The following PRKACB variants were observed in gnomAD, a reference collection of about 807,000 sequenced individuals.
PRKACB encodes protein kinase cAMP-activated catalytic subunit beta.
A neutral mutation model predicts 51.4 loss-of-function variants in PRKACB; 16 were observed. The ratio of observed to expected loss-of-function variants is 0.31; its 90% CI spans 0.21 to 0.47. The LOEUF (loss-of-function observed/expected upper bound fraction) is 0.47, where lower values mean the gene tolerates loss of function less well. PRKACB is among the 20% of genes least tolerant of loss of function. The pLI, the probability that PRKACB is intolerant of heterozygous loss-of-function variation, is 1.00. For missense variants in PRKACB, 309 were observed against 464.5 expected (o/e 0.67, Z 3.08); for synonymous variants, 147 against 154.4 (o/e 0.95, Z 0.35).
intron 1 of PRKACB, among the ~76,000 whole-genome samples, chr1:84,089,366 C>A (rs914743601): frequency 3.9e-5 from 6 of 152,074 alleles, no homozygotes; most frequent in African/African-American, 1.4e-4. Context: ...ATTTACATAT[C>A]AAAATTATAT....
At chr1:84,183,153 G>A (rs944167171) in intron 3 of PRKACB, among the ~76,000 whole-genome samples, 8 of 151,726 alleles carry the variant, frequency 5.3e-5, no homozygotes, top group African/African-American at 1.9e-4. Flanking sequence ...TCCTCACATT[G>A]ACCATTAGAC....
In PRKACB at chr1:84,144,301, A is replaced by C. The variant is rs566166385; in HGVS notation, c.-61A>C. The C allele has an allele frequency of 1.9e-6, 3 of 1,581,596 alleles. No homozygotes were observed. The African/African-American group carries it at 4.1e-5, about 22-fold the overall frequency. ...CATAGCTCTTAGCTTCTGTGTAAGA[A>C]GTTGTGAGCTCCTTCTGGAAACATT... On this transcript the variant is annotated 5_prime_UTR_variant, in exon 1 of 10. Transcript: ENST00000370685.
At chr1:84,228,330 G>T (rs989486034) in intron 9 of PRKACB, among the ~76,000 whole-genome samples, 1 of 152,164 alleles carries the variant, frequency 6.6e-6, no homozygotes, top group South Asian at 2.1e-4. Context: ...GCCAGAAGTG[G>T]AGAATCATGA....
intron 8 of PRKACB, among the ~76,000 whole-genome samples, chr1:84,206,643 T>C (rs376501873): frequency 4.6e-5 from 7 of 152,270 alleles, no homozygotes; most frequent in East Asian, 1.9e-4. Flanking sequence ...AAAGTTTTCA[T>C]TGGGGGTTGG....
At chr1:84,121,673 T>G (rs939252439) in intron 1 of PRKACB, among the ~76,000 whole-genome samples, 1 of 152,124 alleles carries the variant, frequency 6.6e-6, no homozygotes, top group Non-Finnish European at 1.5e-5. Flanking sequence ...TGTGTCCTTG[T>G]GAACACAATG....
At chr1:84,219,005 T>A (rs1306525580) in intron 9 of PRKACB, among the ~76,000 whole-genome samples, 10 of 152,204 alleles carry the variant, frequency 6.6e-5, no homozygotes, top group African/African-American at 2.4e-4. Flanking sequence ...GGCTACTGAA[T>A]TATTGGAGTT....
intron 1 of PRKACB, among the ~76,000 whole-genome samples, chr1:84,117,383 T>C (rs1269582125): frequency 6.6e-6 from 1 of 152,160 alleles, no homozygotes; most frequent in Non-Finnish European, 1.5e-5. Flanking sequence ...TTGGTATTAG[T>C]TATCCTTAGT....
At chr1:84,089,498 A>G (rs1490352041) in intron 1 of PRKACB, among the ~76,000 whole-genome samples, 1 of 152,124 alleles carries the variant, frequency 6.6e-6, no homozygotes, top group Non-Finnish European at 1.5e-5. Flanking sequence ...GTATCATTCA[A>G]CTGTGCCACT....
chr1:84,214,166 C>A lies in PRKACB; in HGVS notation c.920C>A (p.Ser307Tyr). 1 of 1,610,364 alleles carries A rather than the reference C, an allele frequency of 6.2e-7. No individual in the cohort carries two copies. The change falls in exon 9 of 10, where the codon TCC (serine) becomes TAC (tyrosine). Residue 307 changes from serine to tyrosine, a missense_variant. Ser to Tyr is a moderately radical substitution (Grantham distance 144). This residue lies in a region of PRKACB where 96 missense variants were observed against 129.9 expected (regional missense o/e 0.74). Coordinates refer to ENST00000370685, the MANE Select transcript of PRKACB (RefSeq NM_182948.4). ...KIVSGKVRFP[S>Y]HFSSDLKDLL... Reference sequence around the variant, plus strand: ...GTGTTTGTGTAGGTCCGATTCCCATCCCACTTCAGTTCAGATCTCAAGGAC... The same window carrying A: ...GTGTTTGTGTAGGTCCGATTCCCATACCACTTCAGTTCAGATCTCAAGGAC...
At chr1:84,078,544 C>G (rs1446202046) in intron 1 of PRKACB, among the ~76,000 whole-genome samples, 1 of 152,212 alleles carries the variant, frequency 6.6e-6, no homozygotes, top group Non-Finnish European at 1.5e-5. Context: ...TTCCGACCCC[C>G]CAGCTCCGCG....
chr1:84,179,023 A>G (rs1662290675), intron 1 of PRKACB, 154 bp from the exon 2 acceptor site: 2 of 845,298 alleles, frequency 2.4e-6, no homozygotes, highest in Admixed American at 3.2e-5. Flanking sequence ...GATACTAAAT[A>G]GCTCTTTAAT....
upstream of PRKACB, among the ~76,000 whole-genome samples, chr1:84,139,366 G>A (rs1291761118): frequency 1.3e-5 from 2 of 152,166 alleles, no homozygotes; most frequent in Non-Finnish European, 2.9e-5. Flanking sequence ...AATGCACAAT[G>A]TATTAGTTTG....
chr1:84,134,837 T>C (rs1212337056), intron 1 of PRKACB, among the ~76,000 whole-genome samples: 1 of 152,184 alleles, frequency 6.6e-6, no homozygotes, highest in Non-Finnish European at 1.5e-5. Context: ...CTTCCTCCCA[T>C]CTCTTATGAC....
intron 1 of PRKACB, among the ~76,000 whole-genome samples, chr1:84,154,398 A>T (rs1374568727): frequency 6.6e-6 from 1 of 152,160 alleles, no homozygotes; most frequent in Non-Finnish European, 1.5e-5. Context: ...AATAAGGAAT[A>T]TGAAGACTCT....
intron 2 of PRKACB, 36 bp downstream of exon 2, chr1:84,179,274 C>T (rs377663226): frequency 6.6e-7 from 1 of 1,508,564 alleles, no homozygotes; most frequent in African/African-American, 1.4e-5. Flanking sequence ...AATTAAAAAT[C>T]TTGTATTAAT....
At chr1:84,199,057 A>G (rs536473491) in intron 7 of PRKACB, among the ~76,000 whole-genome samples, 5 of 51,476 alleles carry the variant, frequency 9.7e-5, no homozygotes, top group Non-Finnish European at 2.2e-4. Context: ...GCATATATAT[A>G]TGCGTATATA....
intron 1 of PRKACB, among the ~76,000 whole-genome samples, chr1:84,134,532 G>A (rs139716185): frequency 1.1e-4 from 17 of 152,276 alleles, no homozygotes; most frequent in African/African-American, 4.1e-4. Context: ...GGTGGACTTA[G>A]ATTAGTTAAA....
At chr1:84,134,356 T>C (rs924495281) in intron 1 of PRKACB, among the ~76,000 whole-genome samples, 2 of 152,126 alleles carry the variant, frequency 1.3e-5, no homozygotes, top group Non-Finnish European at 2.9e-5. Context: ...CTGGGGACCC[T>C]GCCCTTTTCT....
chr1:84,184,769 C>A (rs1284420848), intron 4 of PRKACB, among the ~76,000 whole-genome samples: 1 of 151,644 alleles, frequency 6.6e-6, no homozygotes, highest in Non-Finnish European at 1.5e-5. Context: ...TTCTTATTAA[C>A]TTTTTAAATT....
Sources: gnomAD v4.1 joint callset for allele counts (sites outside exome capture counted in the v4.1 genomes callset) on GRCh38, gnomAD v4.1.1 for gene constraint, gnomAD v4.1.1 regional missense constraint, MANE v1.5 for transcripts, NCBI Gene and HGNC (gene_info 2026-07-23, HGNC 2026-07-21) for gene names.